Variants in GRIN2B observed in about 807,000 individuals in gnomAD.
GRIN2B encodes glutamate receptor ionotropic, NMDA 2B.
Under a neutral mutation model 114.5 loss-of-function variants are expected in GRIN2B, and 5 were observed. The ratio of observed to expected loss-of-function variants is 0.04; its 90% CI spans 0.02 to 0.09. The LOEUF is 0.09. GRIN2B is among the 10% of genes least tolerant of loss of function. The pLI, the probability that GRIN2B is intolerant of heterozygous loss-of-function variation, is 1.00. For synonymous variants in GRIN2B, 787 were observed against 745.1 expected (o/e 1.06, Z -0.92); for missense variants, 1,108 against 1,943.5 (o/e 0.57, Z 8.08).
In GRIN2B at chr12:13,718,031, T is replaced by C. The variant is rs544218940; in HGVS notation, c.1010+35286A>G. 2.6e-5 allele frequency among the ~76,000 whole-genome samples: 4 copies of C among 152,182 alleles called. No individual in the cohort carries two copies. The East Asian group carries it at 7.8e-4, about 30-fold the overall frequency. On this transcript the variant is annotated intron_variant, in intron 4 of 13. Coordinates refer to ENST00000609686, the MANE Select transcript of GRIN2B (RefSeq NM_000834.5). The stretch of plus-strand genomic sequence containing the variant: ...TGACCTCCTTTGTCTCTTGGATCTA[T>C]AATGATGATTCATTCCCTGCATCTC...
At chr12:13,834,171 C>T (rs1054962166) in intron 3 of GRIN2B, among the ~76,000 whole-genome samples, 1 of 149,474 alleles carries the variant, frequency 6.7e-6, no homozygotes. Flanking sequence ...GCTGGGACTA[C>T]AGGTGCCCAC....
chr12:13,686,955 A>T (rs1950178428), intron 4 of GRIN2B, among the ~76,000 whole-genome samples: 1 of 152,064 alleles, frequency 6.6e-6, no homozygotes, highest in Non-Finnish European at 1.5e-5. Context: ...GTCCCATGAG[A>T]ACCAGTTGTT....
chr12:13,954,815 A>AAAAAAAAAAAAAAAAAAAAAAC (rs1867557449), intron 2 of GRIN2B, among the ~76,000 whole-genome samples: 1 of 146,014 alleles, frequency 6.8e-6, no homozygotes. Context: ...TCTCAGGAAA[A>AAAAAAAAAAAAAAAAAAAAAAC]AAAAAAAAAA....
At chr12:13,870,407 G>C (rs375564702) in intron 2 of GRIN2B, among the ~76,000 whole-genome samples, 3 of 152,198 alleles carry the variant, frequency 2.0e-5, no homozygotes, top group Admixed American at 6.5e-5. Context: ...TGGGCTAAGT[G>C]ATCCCGAGAT....
intron 3 of GRIN2B, among the ~76,000 whole-genome samples, chr12:13,828,524 C>G (rs991972250): frequency 6.6e-6 from 1 of 152,184 alleles, no homozygotes; most frequent in Non-Finnish European, 1.5e-5. Flanking sequence ...ACAAAACTCT[C>G]ATGCCTTATC....
At chr12:13,666,938 G>C (rs1031228645) in intron 5 of GRIN2B, among the ~76,000 whole-genome samples, 2 of 152,162 alleles carry the variant, frequency 1.3e-5, no homozygotes, top group African/African-American at 4.8e-5. Flanking sequence ...TGAAAAATAT[G>C]TAAAGGTATT....
chr12:13,789,228 G>A (rs1864275335), intron 3 of GRIN2B, among the ~76,000 whole-genome samples: 1 of 152,132 alleles, frequency 6.6e-6, no homozygotes, highest in Non-Finnish European at 1.5e-5. Flanking sequence ...CAGAGTATCA[G>A]AATAAAATGA....
intron 5 of GRIN2B, among the ~76,000 whole-genome samples, chr12:13,655,656 G>A (rs1026915215): frequency 6.6e-6 from 1 of 152,076 alleles, no homozygotes; most frequent in Non-Finnish European, 1.5e-5. Flanking sequence ...AAACCTCTCT[G>A]GGCCTCATGT....
In GRIN2B at chr12:13,563,370, C is replaced by A; in HGVS notation, c.3868G>T (p.Ala1290Ser). ...KYPQSPTNSK[A>S]QKKNRNKLRR... ...AGTTTGTTCCGGTTCTTCTTCTGGG[C>A]CTTGGAATTAGTCGGGCTCTGAGGG... Residue 1290 changes from alanine to serine, a missense_variant, in exon 14 of 14, where the codon GCC (alanine) becomes TCC (serine). Ala to Ser is a moderately conservative substitution (Grantham distance 99). Coordinates refer to ENST00000609686, the MANE Select transcript of GRIN2B (RefSeq NM_000834.5). The A allele has an allele frequency of 6.2e-7, 1 of 1,614,146 alleles. No individual in the cohort carries two copies. The highest frequency in any genetic ancestry group is 8.5e-7 in the Non-Finnish European group (1 of 1,180,016).
Position 13,927,326 on chromosome 12 carries a change from A to T in GRIN2B, c.-19+52602T>A, listed in dbSNP as rs531317825. ...TGAGAAGAGCTGCTATCGGGGGTTT[A>T]ATTTTCCACCTCAAGGAAGCCTTAG... On this transcript the variant is annotated intron_variant, in intron 2 of 13. Transcript: ENST00000609686. Among the ~76,000 whole-genome samples the T allele has an allele frequency of 2.6e-5, 4 of 152,272 alleles. No homozygotes were observed. The South Asian group carries it at 6.2e-4, about 24-fold the overall frequency.
chr12:13,689,315 A>T (rs1050029011), intron 4 of GRIN2B, among the ~76,000 whole-genome samples: 1 of 152,144 alleles, frequency 6.6e-6, no homozygotes, highest in African/African-American at 2.4e-5. Flanking sequence ...TCTCTCAATG[A>T]GTTAAAACTT....
intron 10 of GRIN2B, among the ~76,000 whole-genome samples, chr12:13,581,990 T>C (rs1948859710): frequency 6.6e-6 from 1 of 151,544 alleles, no homozygotes; most frequent in South Asian, 2.1e-4. Flanking sequence ...TAAGTTCAAA[T>C]CTGAGCTCTA....
At chr12:13,784,563 C>G (rs1361704328) in intron 3 of GRIN2B, among the ~76,000 whole-genome samples, 1 of 152,142 alleles carries the variant, frequency 6.6e-6, no homozygotes, top group Non-Finnish European at 1.5e-5. Flanking sequence ...AATTTCCACC[C>G]CCCTGCCCCC....
At chr12:13,879,449 T>C (rs1159138678) in intron 2 of GRIN2B, among the ~76,000 whole-genome samples, 2 of 151,762 alleles carry the variant, frequency 1.3e-5, no homozygotes, top group Non-Finnish European at 2.9e-5. Context: ...AAAAAGGTGA[T>C]ATTGCAAAGA....
At chr12:13,569,789 C>A (rs752630828) in intron 12 of GRIN2B, 41 bp downstream of exon 12, 2 of 1,275,908 alleles carry the variant, frequency 1.6e-6, no homozygotes, top group Non-Finnish European at 2.2e-6. Flanking sequence ...GACTGGCCAT[C>A]AGTAGAGGAC....
intron 4 of GRIN2B, among the ~76,000 whole-genome samples, chr12:13,687,332 A>G (rs1950181491): frequency 6.6e-6 from 1 of 152,154 alleles, no homozygotes; most frequent in African/African-American, 2.4e-5. Context: ...TATTATTTAA[A>G]GTAGGATAAT....
chr12:13,555,801 A>G lies in GRIN2B; in HGVS notation c.*6982T>C, dbSNP rs1278378073. On this transcript the variant is annotated 3_prime_UTR_variant, in exon 14 of 14. Transcript: ENST00000609686. ...AAATTTATCAAGCACAGAATGTGAC[A>G]CTGAGTCAACATTGGAGAAATTAAA... is the stretch of plus-strand genomic sequence containing the variant. 2 of 152,210 alleles carry G rather than the reference A, an allele frequency of 1.3e-5. No homozygotes were observed. The highest frequency in any genetic ancestry group is 4.8e-5 in the African/African-American group (2 of 41,446). The allele number at this position is 152,210 out of a possible 1,614,324, so 9.4% of individuals were successfully genotyped here.
At chr12:13,825,493 A>ATATTTTTTT (rs1555144006) in intron 3 of GRIN2B, among the ~76,000 whole-genome samples, 1 of 28,132 alleles carries the variant, frequency 3.6e-5, no homozygotes, top group African/African-American at 1.1e-4. Context: ...ATATATATAT[A>ATATTTTTTT]TTTTGTGTGT....
At chr12:13,590,376 C>T (rs1321268204) in intron 10 of GRIN2B, among the ~76,000 whole-genome samples, 1 of 152,040 alleles carries the variant, frequency 6.6e-6, no homozygotes, top group Non-Finnish European at 1.5e-5. Context: ...TTTCCTAATG[C>T]TCTCCCTCCC....
Sources: allele counts gnomAD v4.1 joint callset (sites outside exome capture counted in the v4.1 genomes callset), GRCh38; gene constraint gnomAD v4.1.1; transcripts MANE v1.5; gene names NCBI Gene and HGNC (gene_info 2026-07-23, HGNC 2026-07-21).